SRD5A2: variants seen among roughly 807,000 people sequenced by gnomAD.
SRD5A2 encodes the protein steroid 5 alpha-reductase 2.
Under a neutral mutation model 27.4 loss-of-function variants are expected in SRD5A2, and 30 were observed. That is an observed-to-expected ratio of 1.10 (90% CI 0.82 to 1.49). The LOEUF is 1.49. Among genes scored for constraint, SRD5A2 ranks in the 40% most tolerant of loss-of-function variants. SRD5A2 has a pLI of 0.00. For synonymous variants in SRD5A2, 141 were observed against 133.6 expected (o/e 1.06, Z -0.38); for missense variants, 348 against 323.4 (o/e 1.08, Z -0.58).
chr2:31,548,667 A>G (rs1666313382), intron 1 of SRD5A2, among the ~76,000 whole-genome samples: 1 of 152,228 alleles, frequency 6.6e-6, no homozygotes, highest in African/African-American at 2.4e-5. Context: ...CACTGAGGAA[A>G]ACAATATGGT....
At chr2:31,627,727 C>G in the SRD5A2 span, among the ~76,000 whole-genome samples, 2 of 151,946 alleles carry the variant, frequency 1.3e-5, no homozygotes, top group African/African-American at 4.8e-5. Flanking sequence ...CATTATTTAC[C>G]TAGAAGTCAT....
In SRD5A2 at chr2:31,580,882, G is replaced by T; in HGVS notation, c.19C>A (p.Gln7Lys). The T allele has an allele frequency of 6.2e-7, 1 of 1,607,310 alleles. No homozygotes were observed. The highest frequency in any genetic ancestry group is 8.5e-7 in the Non-Finnish European group (1 of 1,177,246). Residue 7 changes from glutamine (Q) to lysine (K), a missense_variant, in exon 1 of 5, where the codon CAG becomes AAG. Coordinates refer to ENST00000622030, the MANE Select transcript of SRD5A2 (RefSeq NM_000348.4). Reference protein sequence around the residue: MQVQCQQSPVLAGSATL... With the variant: MQVQCQKSPVLAGSATL... ...GCGCTGCCTGCCAGCACTGGGCTCT[G>T]CTGGCACTGAACCTGCATCGCGCCG... is the stretch of plus-strand genomic sequence containing the variant.
the SRD5A2 span, among the ~76,000 whole-genome samples, chr2:31,658,372 A>G: frequency 1.3e-5 from 2 of 152,078 alleles, no homozygotes; most frequent in Admixed American, 1.3e-4. Flanking sequence ...GAAATAACTA[A>G]AATCAGAGCT....
chr2:31,610,104 T>C, the SRD5A2 span, among the ~76,000 whole-genome samples: 1 of 152,106 alleles, frequency 6.6e-6, no homozygotes. Flanking sequence ...CAAGAAGAAC[T>C]AATACCAATG....
chr2:31,548,934 G>A (rs1454122774), intron 1 of SRD5A2, among the ~76,000 whole-genome samples: 1 of 151,894 alleles, frequency 6.6e-6, no homozygotes, highest in Non-Finnish European at 1.5e-5. Context: ...TAACATGGAT[G>A]AACCCTGAGA....
At chr2:31,532,104 G>C (rs1665920486) in intron 2 of SRD5A2, among the ~76,000 whole-genome samples, 1 of 152,134 alleles carries the variant, frequency 6.6e-6, no homozygotes, top group African/African-American at 2.4e-5. Flanking sequence ...ATGAATAAGA[G>C]GACCACAGGT....
chr2:31,622,858 G>C, the SRD5A2 span, among the ~76,000 whole-genome samples: 1,309 of 152,208 alleles, frequency 8.6e-3, 20 homozygotes, highest in African/African-American at 0.03. Flanking sequence ...CAAGTTGATT[G>C]AGAATGATTC....
the SRD5A2 span, among the ~76,000 whole-genome samples, chr2:31,602,433 C>G: frequency 1.3e-5 from 2 of 152,058 alleles, no homozygotes; most frequent in African/African-American, 4.8e-5. Flanking sequence ...GAAAAGCATT[C>G]CACGCTCATG....
chr2:31,652,960 A>C, the SRD5A2 span, among the ~76,000 whole-genome samples: 4 of 152,176 alleles, frequency 2.6e-5, no homozygotes, highest in Non-Finnish European at 5.9e-5. Flanking sequence ...AGCCTGAAGG[A>C]GGAACAAAGG....
At chr2:31,638,609 T>C in the SRD5A2 span, among the ~76,000 whole-genome samples, 1 of 152,100 alleles carries the variant, frequency 6.6e-6, no homozygotes, top group Admixed American at 6.6e-5. Context: ...ACTCCTTTGT[T>C]GGGTGCATAG....
At chr2:31,642,056 T>C in the SRD5A2 span, among the ~76,000 whole-genome samples, 6 of 151,798 alleles carry the variant, frequency 4.0e-5, no homozygotes, top group Non-Finnish European at 5.9e-5. Flanking sequence ...GATAGAAACA[T>C]AGAATATTGT....
chr2:31,554,967 G>T (rs901050874), intron 1 of SRD5A2, among the ~76,000 whole-genome samples: 6 of 134,154 alleles, frequency 4.5e-5, no homozygotes, highest in Non-Finnish European at 1.0e-4. Flanking sequence ...GTGTGTGTGT[G>T]TATGTGTGTG....
chr2:31,627,147 T>A, the SRD5A2 span, among the ~76,000 whole-genome samples: 1 of 152,060 alleles, frequency 6.6e-6, no homozygotes, highest in African/African-American at 2.4e-5. Context: ...TATTTGCATA[T>A]AAGTATTTAT....
At chr2:31,573,534 T>A (rs1666894683) in intron 1 of SRD5A2, among the ~76,000 whole-genome samples, 1 of 152,210 alleles carries the variant, frequency 6.6e-6, no homozygotes, top group Non-Finnish European at 1.5e-5. Context: ...TGCCAGGCTG[T>A]GGCAAAATTC....
At chr2:31,578,149 A>T (rs1666997257) in intron 1 of SRD5A2, among the ~76,000 whole-genome samples, 1 of 152,128 alleles carries the variant, frequency 6.6e-6, no homozygotes, top group African/African-American at 2.4e-5. Flanking sequence ...TCTCTAAAAC[A>T]TTAATATTTA....
the SRD5A2 span, among the ~76,000 whole-genome samples, chr2:31,623,404 T>C: frequency 6.6e-6 from 1 of 152,080 alleles, no homozygotes; most frequent in Non-Finnish European, 1.5e-5. Flanking sequence ...TATTCCAATA[T>C]CAAATGCAAA....
At chr2:31,655,523 G>A in the SRD5A2 span, among the ~76,000 whole-genome samples, 1 of 152,132 alleles carries the variant, frequency 6.6e-6, no homozygotes, top group Admixed American at 6.5e-5. Context: ...TTGCATAGAG[G>A]AGACAGCCTA....
At chr2:31,586,879 T>C in the SRD5A2 span, among the ~76,000 whole-genome samples, 1 of 152,228 alleles carries the variant, frequency 6.6e-6, no homozygotes, top group South Asian at 2.1e-4. Flanking sequence ...CCAAATGAAC[T>C]AAGTAAGGCA....
intron 1 of SRD5A2, among the ~76,000 whole-genome samples, chr2:31,566,586 TA>T (rs1276142559): frequency 6.6e-6 from 1 of 152,188 alleles, no homozygotes; most frequent in Non-Finnish European, 1.5e-5. Context: ...CTTTGCCAGG[TA>T]ACATGATTGC....
Sources: allele counts gnomAD v4.1 joint callset (sites outside exome capture counted in the v4.1 genomes callset), GRCh38; gene constraint gnomAD v4.1.1; transcripts MANE v1.5; gene names NCBI Gene and HGNC (gene_info 2026-07-23, HGNC 2026-07-21).